The following PTBP1 variants were observed in gnomAD, a reference collection of about 807,000 sequenced individuals.
PTBP1 encodes the protein polypyrimidine tract-binding protein 1.
Under a neutral mutation model 59.8 loss-of-function variants are expected in PTBP1, and 8 were observed. That is an observed-to-expected ratio of 0.13 (90% CI 0.08 to 0.24). The LOEUF (loss-of-function observed/expected upper bound fraction) is 0.24, where lower values mean the gene tolerates loss of function less well. PTBP1 is among the 10% of genes least tolerant of loss of function. The pLI is 1.00. For synonymous variants in PTBP1, 490 were observed against 320.7 expected (o/e 1.53, Z -5.64); for missense variants, 686 against 767.0 (o/e 0.89, Z 1.25).
In PTBP1 at chr19:809,657, C is replaced by T. The variant is rs923095845; in HGVS notation, c.1464-886C>T. The stretch of plus-strand genomic sequence containing the variant: ...TTATAATCCCAGTACTGTGGGGGGC[C>T]GGGCAGGGGATTGCTTGAACCCAAG... On this transcript the variant is annotated intron_variant, in intron 13 of 14. Coordinates refer to ENST00000356948, the MANE Select transcript of PTBP1 (RefSeq NM_002819.5). Among the ~76,000 whole-genome samples the T allele has an allele frequency of 8.5e-5, 13 of 152,224 alleles. 1 individual carries two copies. In the East Asian group the frequency reaches 9.6e-4, roughly 11 times the overall value.
chr19:806,983 T>G (rs934228729), intron 10 of PTBP1: 1 of 158,058 alleles, frequency 6.3e-6, no homozygotes, highest in African/African-American at 2.4e-5. Flanking sequence ...ATGGTTAAAT[T>G]CCCCTCGGGG....
rs773552510 is a variant in PTBP1 at position 808,782 on chromosome 19, G to A, written c.1463+20G>A. 1.0e-5 allele frequency: 16 copies of A among 1,537,166 alleles called. No individual in the cohort carries two copies. The highest frequency in any genetic ancestry group is 6.7e-5 in the African/African-American group (5 of 74,096). ...CATCCCGTGAGTGCTGGGCCGGGGGGCTCATGGGGCCGGGGGCGGGCAAGG... is the reference window on the plus strand; with the variant it reads ...CATCCCGTGAGTGCTGGGCCGGGGGACTCATGGGGCCGGGGGCGGGCAAGG... On this transcript the variant is annotated intron_variant, in intron 13 of 14. Coordinates refer to ENST00000356948, the MANE Select transcript of PTBP1 (RefSeq NM_002819.5). This position sits in a 1 kb window ranked among gnomAD's most constrained non-coding sequence, Gnocchi z 4.7.
intron 2 of PTBP1, 60 bp downstream of exon 2, chr19:799,503 G>T: frequency 6.4e-7 from 1 of 1,562,712 alleles, no homozygotes; most frequent in Non-Finnish European, 8.8e-7. Context: ...CGACCCCGGG[G>T]GCCACCCCCC....
chr19:806,479 G>C lies in PTBP1; in HGVS notation c.1042G>C (p.Ala348Pro). 6.3e-7 allele frequency: 1 copy of C among 1,590,052 alleles called. No homozygotes were observed. Among genetic ancestry groups the C allele is most frequent in the Non-Finnish European group, 8.5e-7 (1 of 1,169,700 alleles). ...CCCCTCGGCGGCGGCGGCAGCTGCG[G>C]CGGCAGGTCGGATCGCCATCCCGGG... is the stretch of plus-strand genomic sequence containing the variant. ...AIPSAAAAAA[A>P]AGRIAIPGLA... Residue 348 changes from alanine to proline, a missense_variant, in exon 10 of 15, where the codon GCG becomes CCG. By Grantham distance (27) the Ala-to-Pro change is conservative. Coordinates refer to ENST00000356948, the MANE Select transcript of PTBP1 (RefSeq NM_002819.5).
In PTBP1 at chr19:803,731, A is replaced by G. The variant is rs963635125; in HGVS notation, c.115+95A>G. 151 of 1,145,122 alleles carry G rather than the reference A, an allele frequency of 1.3e-4. No individual in the cohort carries two copies. The Middle Eastern group carries it at 1.4e-3, about 10-fold the overall frequency. 70.9% of individuals were successfully genotyped at this position (1,145,122 alleles called of 1,614,324 possible). The stretch of plus-strand genomic sequence containing the variant: ...TCTGGGACTCTACTTTCCATCTCCA[A>G]CTGCAGGGGCCCATGGTCCACGCTA... On this transcript the variant is annotated intron_variant, in intron 3 of 14. Coordinates refer to ENST00000356948, the MANE Select transcript of PTBP1 (RefSeq NM_002819.5).
chr19:801,142 A>T (rs2034313815), intron 2 of PTBP1, among the ~76,000 whole-genome samples: 1 of 151,968 alleles, frequency 6.6e-6, no homozygotes, highest in South Asian at 2.1e-4. Context: ...ACTGTGCTGT[A>T]GGGCCCCAGC....
intron 8 of PTBP1, 26 bp from the exon 9 acceptor site, chr19:805,466 A>G (rs1599232074): frequency 6.3e-7 from 1 of 1,597,434 alleles, no homozygotes; most frequent in East Asian, 2.2e-5. Flanking sequence ...TGTGGGTGCG[A>G]TGATTAGTGT....
chr19:802,177 C>G (rs1246346865), intron 2 of PTBP1, among the ~76,000 whole-genome samples: 3 of 152,204 alleles, frequency 2.0e-5, no homozygotes, highest in Non-Finnish European at 2.9e-5. Context: ...TCCCTGTTCC[C>G]CATCCTCCTT....
rs1346075831 is a variant in PTBP1, at chr19:805,105, C to T, written c.810C>T (p.Asp270=). The T allele has an allele frequency of 3.7e-6, 6 of 1,613,892 alleles. No homozygotes were observed. The highest frequency in any genetic ancestry group is 1.1e-5 in the South Asian group (1 of 91,080). The stretch of plus-strand genomic sequence containing the variant: ...GCCTCAACGTCAAGTACAACAATGA[C>T]AAGAGCCGTGACTACACACGCCCAG... ...LTSLNVKYNN[D]KSRDYTRPDL... Residue 270 remains aspartate, a synonymous_variant, in exon 8 of 15, where the codon GAC becomes GAT. Coordinates refer to ENST00000356948, the MANE Select transcript of PTBP1 (RefSeq NM_002819.5).
intron 1 of PTBP1, among the ~76,000 whole-genome samples, chr19:798,214 C>G (rs2034167180): frequency 6.6e-6 from 1 of 152,054 alleles, no homozygotes; most frequent in Admixed American, 6.5e-5. Context: ...CTCCAGGGAC[C>G]CCCGCGGGCG....
rs573327827 is a variant in PTBP1, at chr19:811,991, C to A, written c.*1165C>A. Reference sequence around the variant, plus strand: ...CGGGGGCTCTCCTAGGATCCCCTTTCCGTAAAAGCGTGTAACAAGGGTGTA... The same window carrying A: ...CGGGGGCTCTCCTAGGATCCCCTTTACGTAAAAGCGTGTAACAAGGGTGTA... On this transcript the variant is annotated 3_prime_UTR_variant, in exon 15 of 15. Transcript: ENST00000356948. 5 of 152,400 alleles carry A rather than the reference C, an allele frequency of 3.3e-5. No homozygotes were observed. Among genetic ancestry groups the A allele is most frequent in the East Asian group, 3.8e-4 (2 of 5,204 alleles). 9.4% of individuals were successfully genotyped at this position (152,400 alleles called of 1,614,324 possible).
At chr19:805,696 CGG>C in intron 9 of PTBP1, 127 bp downstream of exon 9, 1 of 809,624 alleles carries the variant, frequency 1.2e-6, no homozygotes, top group Non-Finnish European at 2.1e-6. Context: ...GGGCCCTTCC[CGG>C]GAGAGGGGAC....
rs777003118 is a variant in PTBP1, at chr19:806,535, G to T, written c.1098G>T (p.Leu366=). The T allele has an allele frequency of 9.1e-6, 14 of 1,542,842 alleles. No individual in the cohort carries two copies. Among genetic ancestry groups the T allele is most frequent in the Non-Finnish European group, 1.2e-5 (14 of 1,146,236 alleles). ...CGGGGGCAGGAAATTCTGTATTGCT[G>T]GTCAGCAACCTCAACCCAGAGGTAC... ...GLAGAGNSVL[L]VSNLNPERVT... Residue 366 remains leucine, a synonymous_variant, in exon 10 of 15, where the codon CTG becomes CTT. Coordinates refer to ENST00000356948, the MANE Select transcript of PTBP1 (RefSeq NM_002819.5).
chr19:798,187 C>T (rs998281934), intron 1 of PTBP1, among the ~76,000 whole-genome samples: 2 of 152,068 alleles, frequency 1.3e-5, no homozygotes, highest in African/African-American at 2.4e-5. Flanking sequence ...TCCTCCGCCC[C>T]GGGGCCGGAG....
At position 808,262 on chromosome 19, in the gene PTBP1, T is replaced by TGAGCCGGGCCTTGTGGGGGTGCGCG; in HGVS notation, c.1154-96_1154-72dup. 1.4e-5 allele frequency: 15 copies of TGAGCCGGGCCTTGTGGGGGTGCGCG among 1,053,002 alleles called. No homozygotes were observed. The South Asian group carries it at 2.1e-4, about 15-fold the overall frequency. The allele number at this position is 1,053,002 out of a possible 1,614,324, so 65.2% of individuals were successfully genotyped here. A position where few individuals can be genotyped will look rare whatever the true frequency, so the allele number is the denominator to read the frequency against. ...GCCGATAAAGCAAACCCGGCCGGGCTGAGCCGGGCCTTGTGGGGGTGCGCG... is the reference window on the plus strand; with the variant it reads ...GCCGATAAAGCAAACCCGGCCGGGCTGAGCCGGGCCTTGTGGGGGTGCGCGGAGCCGGGCCTTGTGGGGGTGCGCG... On this transcript the variant is annotated intron_variant, in intron 11 of 14. Transcript: ENST00000356948. This position sits in a 1 kb window ranked among gnomAD's most constrained non-coding sequence, Gnocchi z 4.7.
At chr19:803,529 A>C (rs1292981900) in intron 2 of PTBP1, 32 bp from the exon 3 acceptor site, 1 of 1,595,254 alleles carries the variant, frequency 6.3e-7, no homozygotes, top group South Asian at 1.1e-5. Flanking sequence ...CCTGGTGGGA[A>C]GTGCAGCTCC....
In PTBP1 at chr19:805,554, A is replaced by C. The variant is rs769877664; in HGVS notation, c.955A>C (p.Ile319Leu). 1 of 1,613,720 alleles carries C rather than the reference A, an allele frequency of 6.2e-7. No homozygotes were observed. Among genetic ancestry groups the C allele is most frequent in the Non-Finnish European group, 8.5e-7 (1 of 1,179,630 alleles). The stretch of plus-strand genomic sequence containing the variant: ...AGCTGGTTTCCCTCCCACCTTTGCC[A>C]TTCCTCAAGCTGCAGGTATTCAAAC... ...AGAGFPPTFA[I>L]PQAAGLSVPN... The change falls in exon 9 of 15, where the codon ATT becomes CTT. Residue 319 changes from isoleucine (I) to leucine (L), a missense_variant. Physicochemically the swap from Ile to Leu is conservative, Grantham distance 5. Transcript: ENST00000356948.
rs2034476369 is a variant in PTBP1 at position 804,557 on chromosome 19, T to C, written c.461T>C (p.Val154Ala). Residue 154 changes from valine to alanine, a missense_variant, in exon 6 of 15, where the codon GTG becomes GCG. Coordinates refer to ENST00000356948, the MANE Select transcript of PTBP1 (RefSeq NM_002819.5). Reference sequence around the variant, plus strand: ...CGGGCCCAGGCGGCCCTGCAGGCGGTGAACTCGGTCCAGTCGGGGAACCTG... The same window carrying C: ...CGGGCCCAGGCGGCCCTGCAGGCGGCGAACTCGGTCCAGTCGGGGAACCTG... ...QARAQAALQA[V>A]NSVQSGNLAL... 1 of 1,606,772 alleles carries C rather than the reference T, an allele frequency of 6.2e-7. No homozygotes were observed.
At chr19:806,807 A>G (rs930055795) in intron 10 of PTBP1, 10 of 417,998 alleles carry the variant, frequency 2.4e-5, no homozygotes, top group Middle Eastern at 6.1e-4. Flanking sequence ...TTGGTTACCC[A>G]AAGGCAATCT....
Sources: gnomAD v4.1 joint callset for allele counts (sites outside exome capture counted in the v4.1 genomes callset) on GRCh38, gnomAD v4.1.1 for gene constraint, Gnocchi (gnomAD v3.1) non-coding constraint, MANE v1.5 for transcripts, NCBI Gene and HGNC (gene_info 2026-07-23, HGNC 2026-07-21) for gene names.